Variants in LGSN observed in about 807,000 individuals in gnomAD.
LGSN encodes the protein lengsin, lens protein with glutamine synthetase domain.
Under a neutral mutation model 19.5 loss-of-function variants are expected in LGSN, and 21 were observed. That is an observed-to-expected ratio of 1.07 (90% confidence interval 0.76 to 1.55). The LOEUF (loss-of-function observed/expected upper bound fraction) is 1.55, where lower values mean the gene tolerates loss of function less well. Among genes scored for constraint, LGSN ranks in the 40% most tolerant of loss-of-function variants. The pLI is 0.00. For missense variants in LGSN, 673 were observed against 608.5 expected (o/e 1.11, Z -1.12); for synonymous variants, 257 against 215.6 (o/e 1.19, Z -1.68).
chr6:63,487,376 T>C, the LGSN span, among the ~76,000 whole-genome samples: 1 of 152,214 alleles, frequency 6.6e-6, no homozygotes, highest in Non-Finnish European at 1.5e-5. Flanking sequence ...CTAGATTTAT[T>C]AACCTGGAGT....
At chr6:63,396,534 CA>C in the LGSN span, 1 of 156,122 alleles carries the variant, frequency 6.4e-6, no homozygotes, top group Admixed American at 6.5e-5. Context: ...CAGCCCTAGT[CA>C]GGCTGCTCTG....
the LGSN span, among the ~76,000 whole-genome samples, chr6:63,427,844 A>C: frequency 6.6e-6 from 1 of 152,200 alleles, no homozygotes; most frequent in Non-Finnish European, 1.5e-5. Context: ...CTAAGAATCA[A>C]TCTAAGATAA....
chr6:63,507,174 C>A, the LGSN span, among the ~76,000 whole-genome samples: 1 of 152,170 alleles, frequency 6.6e-6, no homozygotes, highest in South Asian at 2.1e-4. Context: ...GTCCCTCCGT[C>A]CTTGAGTGGA....
chr6:63,328,630 T>C, the LGSN span, among the ~76,000 whole-genome samples: 20 of 152,244 alleles, frequency 1.3e-4, no homozygotes, highest in African/African-American at 4.8e-4. Context: ...ATGCCACTGG[T>C]TGTGGGGTTG....
intron 1 of LGSN, among the ~76,000 whole-genome samples, chr6:63,308,164 C>T (rs1445502940): frequency 6.6e-6 from 1 of 152,152 alleles, no homozygotes. Context: ...TGGACAATCC[C>T]AAATTTCTGC....
the LGSN span, among the ~76,000 whole-genome samples, chr6:63,517,132 T>C: frequency 1.3e-5 from 2 of 152,186 alleles, no homozygotes; most frequent in African/African-American, 4.8e-5. Flanking sequence ...CAATACATCA[T>C]GCTTATTATT....
the LGSN span, among the ~76,000 whole-genome samples, chr6:63,509,020 T>A: frequency 6.6e-6 from 1 of 151,752 alleles, no homozygotes; most frequent in African/African-American, 2.4e-5. Flanking sequence ...AGTTTATTTG[T>A]ATTCATATTA....
intron 2 of LGSN, among the ~76,000 whole-genome samples, chr6:63,289,366 T>A (rs1286149144): frequency 6.6e-6 from 1 of 152,198 alleles, no homozygotes; most frequent in African/African-American, 2.4e-5. Flanking sequence ...TCTTGCTGCA[T>A]CATTGTCGGA....
At chr6:63,506,325 G>A in the LGSN span, among the ~76,000 whole-genome samples, 1 of 151,822 alleles carries the variant, frequency 6.6e-6, no homozygotes, top group African/African-American at 2.4e-5. Context: ...GTGCAATGGT[G>A]GGATCTCGGA....
chr6:63,425,247 C>A, the LGSN span, among the ~76,000 whole-genome samples: 1 of 152,182 alleles, frequency 6.6e-6, no homozygotes, highest in Non-Finnish European at 1.5e-5. Context: ...ACTGTACAAC[C>A]CAGCAACTGT....
chr6:63,297,461 C>T (rs761846731), intron 1 of LGSN, among the ~76,000 whole-genome samples: 1 of 151,500 alleles, frequency 6.6e-6, no homozygotes, highest in Non-Finnish European at 1.5e-5. Context: ...GAATACATTT[C>T]ATTCAGTCCT....
the LGSN span, among the ~76,000 whole-genome samples, chr6:63,557,522 C>T: frequency 6.6e-6 from 1 of 152,080 alleles, no homozygotes; most frequent in Non-Finnish European, 1.5e-5. Flanking sequence ...GTCGAGATCG[C>T]ACCACTACAC....
At chr6:63,286,989 C>A (rs1057410261) in intron 2 of LGSN, among the ~76,000 whole-genome samples, 4 of 152,162 alleles carry the variant, frequency 2.6e-5, no homozygotes, top group Admixed American at 6.5e-5. Context: ...AGTCTGCATC[C>A]AAACACCCAT....
At chr6:63,450,589 G>A in the LGSN span, among the ~76,000 whole-genome samples, 1 of 150,232 alleles carries the variant, frequency 6.7e-6, no homozygotes, top group African/African-American at 2.4e-5. Context: ...TTTAAAAAAC[G>A]TTAGTAAACA....
the LGSN span, among the ~76,000 whole-genome samples, chr6:63,465,744 C>T: frequency 1.3e-5 from 2 of 152,106 alleles, no homozygotes. Flanking sequence ...CAGCACACCA[C>T]AGGATAAACC....
At chr6:63,311,767 A>G (rs1394211573) in intron 1 of LGSN, among the ~76,000 whole-genome samples, 4 of 152,188 alleles carry the variant, frequency 2.6e-5, no homozygotes, top group African/African-American at 7.2e-5. Context: ...CACATTTTCC[A>G]TGAACTTTTT....
chr6:63,540,311 G>A, the LGSN span, among the ~76,000 whole-genome samples: 115 of 152,228 alleles, frequency 7.6e-4, no homozygotes, highest in South Asian at 8.3e-4. Flanking sequence ...AAATCCAGAT[G>A]TGTATAGAAT....
At chr6:63,362,774 G>A in the LGSN span, among the ~76,000 whole-genome samples, 1 of 152,216 alleles carries the variant, frequency 6.6e-6, no homozygotes, top group African/African-American at 2.4e-5. Flanking sequence ...CTGGGGGCAG[G>A]GCATAGCTGA....
the LGSN span, among the ~76,000 whole-genome samples, chr6:63,359,497 G>C: frequency 6.6e-6 from 1 of 152,140 alleles, no homozygotes; most frequent in Non-Finnish European, 1.5e-5. Context: ...ATTAATTATT[G>C]CCTCAATTTC....
Sources: allele counts gnomAD v4.1 joint callset (sites outside exome capture counted in the v4.1 genomes callset), GRCh38; gene constraint gnomAD v4.1.1; transcripts MANE v1.5; gene names NCBI Gene and HGNC (gene_info 2026-07-23, HGNC 2026-07-21).